The following NPLOC4 variants were observed in gnomAD, a reference collection of about 807,000 sequenced individuals.
NPLOC4 encodes the protein nuclear protein localization protein 4 homolog.
In NPLOC4, 18 loss-of-function variants were observed where a neutral mutation model predicts 80.6. The observed-to-expected ratio is 0.22, with a 90% confidence interval of 0.15 to 0.33. NPLOC4 has a LOEUF of 0.33. NPLOC4 is among the 10% of genes least tolerant of loss of function. The pLI, the probability that NPLOC4 is intolerant of heterozygous loss-of-function variation, is 1.00. For missense variants in NPLOC4, 540 were observed against 786.1 expected (o/e 0.69, Z 3.74); for synonymous variants, 313 against 301.5 (o/e 1.04, Z -0.39).
At chr17:81,586,099 A>G (rs1450558383) in intron 12 of NPLOC4, among the ~76,000 whole-genome samples, 4 of 152,154 alleles carry the variant, frequency 2.6e-5, no homozygotes, top group African/African-American at 4.8e-5. Context: ...AGCCTGCCCA[A>G]CGGGGTAGGA....
intron 1 of NPLOC4, among the ~76,000 whole-genome samples, chr17:81,635,569 G>C (rs955062779): frequency 6.6e-6 from 1 of 152,020 alleles, no homozygotes; most frequent in Non-Finnish European, 1.5e-5. Context: ...TCATTCTGTC[G>C]CCCAGGGTGG....
At chr17:81,569,737 C>G (rs2034109619) in intron 13 of NPLOC4, among the ~76,000 whole-genome samples, 2 of 152,178 alleles carry the variant, frequency 1.3e-5, no homozygotes, top group Non-Finnish European at 2.9e-5. Context: ...AGAGCTGATA[C>G]CCAAAGGCCA....
intron 2 of NPLOC4, among the ~76,000 whole-genome samples, chr17:81,624,017 G>T (rs1237726070): frequency 1.3e-5 from 2 of 152,170 alleles, no homozygotes; most frequent in African/African-American, 2.4e-5. Context: ...GGGCGTGGTG[G>T]CTCATGTCTG....
chr17:81,633,512 T>C (rs1165916103), intron 1 of NPLOC4, among the ~76,000 whole-genome samples: 2 of 152,150 alleles, frequency 1.3e-5, no homozygotes, highest in African/African-American at 4.8e-5. Flanking sequence ...GAGACAAACA[T>C]AATTTGTACG....
In NPLOC4 at chr17:81,608,835, A is replaced by T; in HGVS notation, c.436-13T>A. ...CCTCATCGAATGGCTGCCAAGACAC[A>T]GAGTAAGCGAGTGCAGTCTCACACG... On this transcript the variant is annotated splice_polypyrimidine_tract_variant and intron_variant, in intron 5 of 16. Transcript: ENST00000331134. The T allele has an allele frequency of 2.6e-6, 4 of 1,562,374 alleles. No homozygotes were observed. Among genetic ancestry groups the T allele is most frequent in the Non-Finnish European group, 3.5e-6 (4 of 1,151,508 alleles).
intron 1 of NPLOC4, among the ~76,000 whole-genome samples, chr17:81,632,600 C>T (rs1356744063): frequency 6.6e-6 from 1 of 152,144 alleles, no homozygotes; most frequent in East Asian, 1.9e-4. Flanking sequence ...AGGTGTGCAC[C>T]ACCACACCCG....
intron 7 of NPLOC4, among the ~76,000 whole-genome samples, chr17:81,605,476 T>C (rs1044152067): frequency 1.3e-5 from 2 of 151,078 alleles, no homozygotes; most frequent in African/African-American, 4.9e-5. Flanking sequence ...AGTGAAACCC[T>C]GTCTCTACTA....
In NPLOC4 at chr17:81,558,857, A is replaced by T; in HGVS notation, c.*402T>A. 1 of 157,812 alleles carries T rather than the reference A, an allele frequency of 6.3e-6. No individual in the cohort carries two copies. The highest frequency in any genetic ancestry group is 1.4e-5 in the Non-Finnish European group (1 of 71,700). 9.8% of individuals were successfully genotyped at this position (157,812 alleles called of 1,614,324 possible). ...ACCAAGAGCTCCCAGCCAGAAAAACATGGGGGCAGGGAGGCCAAACAAAAA... is the reference window on the plus strand; with the variant it reads ...ACCAAGAGCTCCCAGCCAGAAAAACTTGGGGGCAGGGAGGCCAAACAAAAA... On this transcript the variant is annotated 3_prime_UTR_variant, in exon 17 of 17. Coordinates refer to ENST00000331134, the MANE Select transcript of NPLOC4 (RefSeq NM_017921.4).
Position 81,637,044 on chromosome 17 carries a change from G to T in NPLOC4, c.-114C>A. ...CCGGCCCCGGCCTCCCTACGCCGCC[G>T]CCACCGCCGCTCCAGCTTCGCCCGC... On this transcript the variant is annotated 5_prime_UTR_variant, in exon 1 of 17. Coordinates refer to ENST00000331134, the MANE Select transcript of NPLOC4 (RefSeq NM_017921.4). 1 of 555,726 alleles carries T rather than the reference G, an allele frequency of 1.8e-6. No homozygotes were observed. The highest frequency in any genetic ancestry group is 8.4e-5 in the South Asian group (1 of 11,954). 34.4% of individuals were successfully genotyped at this position (555,726 alleles called of 1,614,324 possible). A position where few individuals can be genotyped will look rare whatever the true frequency, so the allele number is the denominator to read the frequency against.
intron 9 of NPLOC4, among the ~76,000 whole-genome samples, chr17:81,598,211 C>A (rs887785826): frequency 7.9e-5 from 12 of 151,860 alleles, no homozygotes; most frequent in Non-Finnish European, 1.2e-4. Flanking sequence ...GAATCTACAT[C>A]AACAGGTTCC....
Position 81,572,106 on chromosome 17 carries a change from G to T in NPLOC4, c.1282-18C>A, listed in dbSNP as rs1290712987. 6.3e-7 allele frequency: 1 copy of T among 1,580,058 alleles called. No homozygotes were observed. ...TCTACGTCCTGCAATAGTCAGAGGG[G>T]AACAGCGGTGAGCAAAGACGATCAG... On this transcript the variant is annotated intron_variant, in intron 12 of 16. Transcript: ENST00000331134. This position sits in a 1 kb window ranked among gnomAD's most constrained non-coding sequence, Gnocchi z 4.5.
intron 11 of NPLOC4, among the ~76,000 whole-genome samples, chr17:81,591,379 G>A (rs2034734572): frequency 7.0e-6 from 1 of 142,712 alleles, no homozygotes; most frequent in African/African-American, 2.6e-5. Context: ...AGGCTGCGAT[G>A]AGCTGAGATC....
intron 3 of NPLOC4, among the ~76,000 whole-genome samples, chr17:81,621,726 A>C (rs2035673387): frequency 6.6e-6 from 1 of 152,220 alleles, no homozygotes; most frequent in Non-Finnish European, 1.5e-5. Flanking sequence ...GGCTGTGACA[A>C]GAGGTCTCTG....
intron 12 of NPLOC4, chr17:81,588,055 T>C (rs1299824276): frequency 6.6e-6 from 1 of 152,222 alleles, no homozygotes; most frequent in African/African-American, 2.4e-5. Context: ...CTTAAACTTC[T>C]GGAATGAAAA....
Position 81,596,168 on chromosome 17 carries a change from C to T in NPLOC4, c.1068G>A (p.Arg356=). 1.2e-6 allele frequency: 2 copies of T among 1,613,936 alleles called. No individual in the cohort carries two copies. Among genetic ancestry groups the T allele is most frequent in the Non-Finnish European group, 1.7e-6 (2 of 1,179,856 alleles). The part of the protein sequence containing the change: ...DFQNKHPNMC[R]LSPDGHFGSK... ...ATCCAAAATGTCCGTCTGGAGAGAG[C>T]CGGCACATGTTGGGATGCTTGTTCT... The change falls in exon 11 of 17, where the codon CGG becomes CGA. Residue 356 remains arginine (R), a synonymous_variant. Coordinates refer to ENST00000331134, the MANE Select transcript of NPLOC4 (RefSeq NM_017921.4).
chr17:81,607,514 C>T lies in NPLOC4; in HGVS notation c.531-700G>A, dbSNP rs369171742. Reference sequence around the variant, plus strand: ...TCTGAAACATGTCCACACTGTGGAACGGCTAAATTGAGCTAATTAACATAT... The same window carrying T: ...TCTGAAACATGTCCACACTGTGGAATGGCTAAATTGAGCTAATTAACATAT... On this transcript the variant is annotated intron_variant, in intron 6 of 16. Transcript: ENST00000331134. Among the ~76,000 whole-genome samples, 6 of 152,066 alleles carry T rather than the reference C, an allele frequency of 3.9e-5. No homozygotes were observed. In the East Asian group the frequency reaches 7.7e-4, roughly 20 times the overall value.
At chr17:81,575,024 A>G (rs1011255656) in intron 12 of NPLOC4, among the ~76,000 whole-genome samples, 7 of 152,240 alleles carry the variant, frequency 4.6e-5, no homozygotes, top group African/African-American at 1.7e-4. Flanking sequence ...AGAACTGGCA[A>G]GAAGGGGCAC....
At chr17:81,617,997 C>T (rs1159899503) in intron 3 of NPLOC4, among the ~76,000 whole-genome samples, 6 of 152,158 alleles carry the variant, frequency 3.9e-5, no homozygotes, top group African/African-American at 1.2e-4. Context: ...GGCGTGATCT[C>T]GGCTCGCTAC....
Position 81,581,591 on chromosome 17 carries a change from C to A in NPLOC4, c.1281+7353G>T, listed in dbSNP as rs191603523. 1.3e-4 allele frequency among the ~76,000 whole-genome samples: 20 copies of A among 152,292 alleles called. No individual in the cohort carries two copies. The East Asian group carries it at 3.7e-3, about 28-fold the overall frequency. ...CAGAGGGGCAGCCAGTCCTCCACAG[C>A]ACCAAGGCCACCTCTCCTCACTCCC... On this transcript the variant is annotated intron_variant, in intron 12 of 16. Coordinates refer to ENST00000331134, the MANE Select transcript of NPLOC4 (RefSeq NM_017921.4).
Sources: gnomAD v4.1 joint callset for allele counts (sites outside exome capture counted in the v4.1 genomes callset) on GRCh38, gnomAD v4.1.1 for gene constraint, Gnocchi (gnomAD v3.1) non-coding constraint, MANE v1.5 for transcripts, NCBI Gene and HGNC (gene_info 2026-07-23, HGNC 2026-07-21) for gene names.